Variants in CCDC85A observed in about 807,000 individuals in gnomAD.
CCDC85A encodes the protein coiled-coil domain-containing protein 85A.
Under a neutral mutation model 50.2 loss-of-function variants are expected in CCDC85A, and 38 were observed. That is an observed-to-expected ratio of 0.76 (90% confidence interval 0.58 to 0.99). The LOEUF is 0.99. Among genes scored for constraint, CCDC85A ranks in the 50% least tolerant of loss-of-function variants. The pLI is 0.00. For synonymous variants in CCDC85A, 366 were observed against 301.4 expected (o/e 1.21, Z -2.22); for missense variants, 820 against 742.0 (o/e 1.11, Z -1.22).
intron 2 of CCDC85A, among the ~76,000 whole-genome samples, chr2:56,262,157 C>T (rs1289835163): frequency 6.6e-6 from 1 of 152,100 alleles, no homozygotes; most frequent in South Asian, 2.1e-4. Context: ...TGGGAAGATT[C>T]AGTCTCCTGT....
chr2:56,201,076 C>CCACACACA (rs72152096), intron 2 of CCDC85A, among the ~76,000 whole-genome samples: 5 of 147,404 alleles, frequency 3.4e-5, no homozygotes, highest in Admixed American at 2.7e-4. Flanking sequence ...TCATCTCTCT[C>CCACACACA]CACACACACA....
intron 2 of CCDC85A, among the ~76,000 whole-genome samples, chr2:56,238,041 A>G (rs1669097200): frequency 6.6e-6 from 1 of 152,140 alleles, no homozygotes; most frequent in Non-Finnish European, 1.5e-5. Flanking sequence ...TAGTTCATGA[A>G]AACTCTAGAC....
chr2:56,225,454 G>A (rs79741419), intron 2 of CCDC85A, among the ~76,000 whole-genome samples: 4 of 151,976 alleles, frequency 2.6e-5, no homozygotes, highest in African/African-American at 4.8e-5. Flanking sequence ...CATAAATGTC[G>A]GGGTTTATTT....
chr2:56,355,394 C>T (rs981220936), intron 3 of CCDC85A, among the ~76,000 whole-genome samples: 5 of 152,142 alleles, frequency 3.3e-5, no homozygotes, highest in African/African-American at 7.2e-5. Context: ...TCTTAATTCA[C>T]GTGTGTCTAT....
intron 3 of CCDC85A, 128 bp downstream of exon 3, chr2:56,343,083 T>C (rs530472498): frequency 3.2e-6 from 2 of 632,738 alleles, no homozygotes; most frequent in African/African-American, 3.7e-5. Context: ...TAGCCATTCA[T>C]CAATGTAGAG....
At chr2:56,334,095 A>G (rs1673958406) in intron 2 of CCDC85A, among the ~76,000 whole-genome samples, 1 of 152,206 alleles carries the variant, frequency 6.6e-6, no homozygotes, top group South Asian at 2.1e-4. Context: ...TGCTTCCTGA[A>G]GTAGCTGTCT....
intron 2 of CCDC85A, among the ~76,000 whole-genome samples, chr2:56,288,527 G>C (rs1395439427): frequency 2.0e-5 from 3 of 152,042 alleles, no homozygotes; most frequent in Non-Finnish European, 4.4e-5. Context: ...GCCTCAAAGA[G>C]TGTGTCTAAT....
At position 56,193,275 on chromosome 2, in the gene CCDC85A, C is replaced by T. The variant is rs756558866; in HGVS notation, c.1075C>T (p.Pro359Ser). 6.2e-7 allele frequency: 1 copy of T among 1,613,946 alleles called. No individual in the cohort carries two copies. The highest frequency in any genetic ancestry group is 1.1e-5 in the South Asian group (1 of 91,078). ...EHLPRARGTS[P>S]EHLKQHYGGS... Reference sequence around the variant, plus strand: ...TCTCCCCAGAGCCAGGGGCACCAGCCCGGAGCACCTCAAACAACATTATGG... The same window carrying T: ...TCTCCCCAGAGCCAGGGGCACCAGCTCGGAGCACCTCAAACAACATTATGG... Residue 359 changes from proline (P) to serine (S), a missense_variant, in exon 2 of 6, where the codon CCG becomes TCG. Coordinates refer to ENST00000407595, the MANE Select transcript of CCDC85A (RefSeq NM_001080433.2).
chr2:56,304,063 A>G (rs975696740), intron 2 of CCDC85A, among the ~76,000 whole-genome samples: 2 of 152,220 alleles, frequency 1.3e-5, no homozygotes, highest in African/African-American at 2.4e-5. Context: ...AAGTAGTTAC[A>G]TAAGTTATTT....
In CCDC85A at chr2:56,374,764, G is replaced by A. The variant is rs534614545; in HGVS notation, c.1453-1052G>A. Reference sequence around the variant, plus strand: ...TTGAAGGCTGCAGTGAACAATGATCGTGCCACTGCACTCCAGCCTGGGCGA... The same window carrying A: ...TTGAAGGCTGCAGTGAACAATGATCATGCCACTGCACTCCAGCCTGGGCGA... On this transcript the variant is annotated intron_variant, in intron 4 of 5. Transcript: ENST00000407595. Among the ~76,000 whole-genome samples, 17 of 152,338 alleles carry A rather than the reference G, an allele frequency of 1.1e-4. 2 individuals carry two copies. Among genetic ancestry groups the A allele is most frequent in the African/African-American group, 3.4e-4 (14 of 41,592 alleles).
intron 2 of CCDC85A, among the ~76,000 whole-genome samples, chr2:56,309,408 T>C (rs778385225): frequency 5.9e-5 from 9 of 152,176 alleles, no homozygotes; most frequent in Admixed American, 2.0e-4. Flanking sequence ...CAGACCCTAG[T>C]TGGCATTACA....
chr2:56,329,054 G>C (rs558147828), intron 2 of CCDC85A, among the ~76,000 whole-genome samples: 1 of 152,200 alleles, frequency 6.6e-6, no homozygotes, highest in East Asian at 1.9e-4. Context: ...TGATGCCCTG[G>C]GACTTGTCTC....
At chr2:56,241,814 T>A (rs960006262) in intron 2 of CCDC85A, among the ~76,000 whole-genome samples, 1 of 152,214 alleles carries the variant, frequency 6.6e-6, no homozygotes, top group African/African-American at 2.4e-5. Context: ...CTCTTTGATA[T>A]ACTGATTTCC....
chr2:56,288,669 C>G lies in CCDC85A; in HGVS notation c.1241-54210C>G, dbSNP rs116831117. 1.8e-3 allele frequency among the ~76,000 whole-genome samples: 274 copies of G among 151,712 alleles called. 3 individuals carry two copies. The highest frequency in any genetic ancestry group is 6.5e-3 in the African/African-American group (269 of 41,386). On this transcript the variant is annotated intron_variant, in intron 2 of 5. Transcript: ENST00000407595. ...AGAAATGCATTTCATCTCCTGGGGC[C>G]CTGTTGCTTCTTCCCACCATGCCCC... is the stretch of plus-strand genomic sequence containing the variant.
chr2:56,185,791 C>T (rs1349065676), intron 1 of CCDC85A: 1 of 152,342 alleles, frequency 6.6e-6, no homozygotes, highest in Non-Finnish European at 1.5e-5. Context: ...CCGGGAACCG[C>T]CCTGCTGGCG....
intron 2 of CCDC85A, among the ~76,000 whole-genome samples, chr2:56,329,371 AGAG>A (rs1014594126): frequency 6.6e-6 from 1 of 152,138 alleles, no homozygotes; most frequent in African/African-American, 2.4e-5. Context: ...ATGTTCCTGG[AGAG>A]GAGGAGTCTT....
intron 2 of CCDC85A, among the ~76,000 whole-genome samples, chr2:56,208,982 A>G (rs369774352): frequency 5.3e-5 from 8 of 152,106 alleles, no homozygotes; most frequent in African/African-American, 1.9e-4. Flanking sequence ...CTTCATGTAT[A>G]CTGGCCCAGG....
chr2:56,319,294 A>T lies in CCDC85A; in HGVS notation c.1241-23585A>T, dbSNP rs1168212063. Among the ~76,000 whole-genome samples the T allele has an allele frequency of 3.3e-5, 5 of 152,098 alleles. No homozygotes were observed. The East Asian group carries it at 9.7e-4, about 29-fold the overall frequency. ...GGAGTTTAATAATGTGCCCAAGTCC[A>T]CAGAGTACATACTGGAGCCAGGATT... On this transcript the variant is annotated intron_variant, in intron 2 of 5. Coordinates refer to ENST00000407595, the MANE Select transcript of CCDC85A (RefSeq NM_001080433.2).
chr2:56,194,590 GA>G (rs1676453675), intron 2 of CCDC85A, among the ~76,000 whole-genome samples: 1 of 152,150 alleles, frequency 6.6e-6, no homozygotes, highest in Non-Finnish European at 1.5e-5. Flanking sequence ...TGTATTTGGG[GA>G]TTTACCTGTT....
Sources: gnomAD v4.1 joint callset for allele counts (sites outside exome capture counted in the v4.1 genomes callset) on GRCh38, gnomAD v4.1.1 for gene constraint, MANE v1.5 for transcripts, NCBI Gene and HGNC (gene_info 2026-07-23, HGNC 2026-07-21) for gene names.